COMMD10: variants seen among roughly 807,000 people sequenced by gnomAD.
COMMD10 encodes COMM domain containing 10, also known as COMM domain-containing protein 10.
Under a neutral mutation model 28.9 loss-of-function variants are expected in COMMD10, and 33 were observed. The ratio of observed to expected loss-of-function variants is 1.14; its 90% CI spans 0.87 to 1.53. The LOEUF (loss-of-function observed/expected upper bound fraction) is 1.53. COMMD10 is among the 40% of genes most tolerant of loss of function. The pLI is 0.00. For synonymous variants in COMMD10, 110 were observed against 81.7 expected, an observed-to-expected ratio of 1.35 and a Z score of -1.87; for missense variants, 310 against 233.4, an observed-to-expected ratio of 1.33 and a Z score of -2.14.
chr5:116,162,047 C>A (rs1752935323), intron 5 of COMMD10, among the ~76,000 whole-genome samples: 1 of 152,090 alleles, frequency 6.6e-6, no homozygotes, highest in Admixed American at 6.6e-5. Flanking sequence ...CACTTTTTGA[C>A]TGATTGTAAT....
chr5:116,109,017 G>T (rs1396452054), intron 4 of COMMD10, among the ~76,000 whole-genome samples: 2 of 152,080 alleles, frequency 1.3e-5, no homozygotes, highest in East Asian at 3.9e-4. Context: ...CACCATCCGT[G>T]GGCTGCATCC....
At chr5:116,219,425 C>A (rs2112642515) in intron 5 of COMMD10, among the ~76,000 whole-genome samples, 1 of 152,168 alleles carries the variant, frequency 6.6e-6, no homozygotes, top group South Asian at 2.1e-4. Flanking sequence ...GGGAGACTAT[C>A]CCGGGTTATC....
chr5:116,196,949 GTA>G lies in COMMD10; in HGVS notation c.510+62773_510+62774del, dbSNP rs1186537832. On this transcript the variant is annotated intron_variant, in intron 5 of 6. Transcript: ENST00000274458. ...TAAGCTTAGGAGCATTTCTGTCGAT[GTA>G]TTCCTATCTTTCAGTATGTGCTTAC... Among the ~76,000 whole-genome samples the G allele has an allele frequency of 2.2e-4, 33 of 152,062 alleles. 1 individual carries two copies. The highest frequency in any genetic ancestry group is 4.2e-4 in the South Asian group (2 of 4,818).
At chr5:116,202,037 T>TC (rs1459294979) in intron 5 of COMMD10, among the ~76,000 whole-genome samples, 1 of 92,678 alleles carries the variant, frequency 1.1e-5, no homozygotes, top group Non-Finnish European at 2.1e-5. Flanking sequence ...TCTCTCCCCC[T>TC]CCCCCCACCC....
intron 5 of COMMD10, among the ~76,000 whole-genome samples, chr5:116,147,642 A>G (rs1160506694): frequency 6.6e-6 from 1 of 151,900 alleles, no homozygotes; most frequent in Admixed American, 6.6e-5. Flanking sequence ...CACAAATGAC[A>G]TGTAATGGGT....
intron 5 of COMMD10, among the ~76,000 whole-genome samples, chr5:116,210,938 A>G (rs371493369): frequency 6.6e-6 from 1 of 152,120 alleles, no homozygotes; most frequent in Non-Finnish European, 1.5e-5. Context: ...ATAATAATAC[A>G]TAGTTACAAG....
chr5:116,101,807 T>A (rs553559683), intron 4 of COMMD10, among the ~76,000 whole-genome samples: 2 of 152,342 alleles, frequency 1.3e-5, no homozygotes, highest in East Asian at 3.9e-4. Flanking sequence ...TGATCAGTGA[T>A]GTTGAGCATT....
At chr5:116,283,416 G>C in intron 5 of COMMD10, among the ~76,000 whole-genome samples, 1 of 151,024 alleles carries the variant, frequency 6.6e-6, no homozygotes, top group East Asian at 1.9e-4. Context: ...GCACAGTCTT[G>C]GCTCACTGCA....
rs1043435970 is a variant in COMMD10 at position 116,224,674 on chromosome 5, C to T, written c.511-66843C>T. Among the ~76,000 whole-genome samples, 4 of 152,120 alleles carry T rather than the reference C, an allele frequency of 2.6e-5. No homozygotes were observed. The South Asian group carries it at 8.3e-4, about 31-fold the overall frequency. The stretch of plus-strand genomic sequence containing the variant: ...CATTCATGAGGGATCTTCCCCCAAG[C>T]CCCAAACACCTCCCTCTAGGCCCAC... On this transcript the variant is annotated intron_variant, in intron 5 of 6. Transcript: ENST00000274458.
chr5:116,121,136 C>A (rs1233978840), intron 4 of COMMD10, among the ~76,000 whole-genome samples: 10 of 151,960 alleles, frequency 6.6e-5, no homozygotes. Context: ...TCCCCCTGCC[C>A]CCCACCACAT....
intron 5 of COMMD10, among the ~76,000 whole-genome samples, chr5:116,248,376 A>T (rs905288698): frequency 5.9e-5 from 9 of 151,626 alleles, no homozygotes; most frequent in African/African-American, 2.2e-4. Context: ...TAATATTAAG[A>T]GTTAGGCATT....
Position 116,292,875 on chromosome 5 carries a change from T to G in COMMD10, c.*386T>G. The G allele has an allele frequency of 2.5e-6, 1 of 394,488 alleles. No homozygotes were observed. The allele number at this position is 394,488 out of a possible 1,614,324, so 24.4% of individuals were successfully genotyped here. ...AGATAAGATGTGTACCTTAGTAGAA[T>G]ACAGAGCTTTGGTAATTACATGAAT... On this transcript the variant is annotated 3_prime_UTR_variant, in exon 7 of 7. Coordinates refer to ENST00000274458, the MANE Select transcript of COMMD10 (RefSeq NM_016144.4).
chr5:116,234,555 T>G (rs1580569838), intron 5 of COMMD10, among the ~76,000 whole-genome samples: 1 of 152,176 alleles, frequency 6.6e-6, no homozygotes, highest in African/African-American at 2.4e-5. Flanking sequence ...ATGAATGATG[T>G]AGACTGCTTG....
intron 5 of COMMD10, among the ~76,000 whole-genome samples, chr5:116,164,446 A>G (rs1309624449): frequency 6.6e-6 from 1 of 152,188 alleles, no homozygotes. Context: ...AGGTTAGGTA[A>G]TTCTATAATT....
At chr5:116,227,228 G>A (rs1749415545) in intron 5 of COMMD10, among the ~76,000 whole-genome samples, 1 of 151,858 alleles carries the variant, frequency 6.6e-6, no homozygotes, top group Non-Finnish European at 1.5e-5. Context: ...TCATTTCAAG[G>A]CCCTTGAAAT....
At chr5:116,257,389 A>G (rs1235879693) in intron 5 of COMMD10, among the ~76,000 whole-genome samples, 3 of 151,650 alleles carry the variant, frequency 2.0e-5, no homozygotes, top group East Asian at 1.9e-4. Flanking sequence ...TTTTTCTCCT[A>G]ACAGTATTTT....
At chr5:116,176,216 A>G (rs995111610) in intron 5 of COMMD10, among the ~76,000 whole-genome samples, 3 of 152,190 alleles carry the variant, frequency 2.0e-5, no homozygotes, top group Admixed American at 6.5e-5. Context: ...GATTCAAGCA[A>G]TTCTCATGCC....
intron 5 of COMMD10, among the ~76,000 whole-genome samples, chr5:116,279,869 A>C (rs1403045195): frequency 6.6e-6 from 1 of 151,760 alleles, no homozygotes; most frequent in African/African-American, 2.4e-5. Context: ...GTGACACCCC[A>C]TCCGCTATAT....
intron 5 of COMMD10, among the ~76,000 whole-genome samples, chr5:116,206,418 A>T (rs527298336): frequency 6.6e-6 from 1 of 152,172 alleles, no homozygotes; most frequent in Non-Finnish European, 1.5e-5. Context: ...TGGGAGGCCA[A>T]GGTGGGCAGA....
Sources: gnomAD v4.1 joint callset for allele counts (sites outside exome capture counted in the v4.1 genomes callset) on GRCh38, gnomAD v4.1.1 for gene constraint, MANE v1.5 for transcripts, NCBI Gene and HGNC (gene_info 2026-07-23, HGNC 2026-07-21) for gene names.